NKAIN2: variants seen among roughly 807,000 people sequenced by gnomAD.
NKAIN2 encodes sodium/potassium transporting ATPase interacting 2.
NKAIN2 carries 14 observed loss-of-function variants against 32.6 expected under a neutral mutation model. The ratio of observed to expected loss-of-function variants is 0.43; its 90% CI spans 0.28 to 0.67. The LOEUF is 0.67. NKAIN2 is among the 30% of genes least tolerant of loss of function. The probability of loss-of-function intolerance (pLI) is 0.17; values close to 1 mark genes in which losing one functional copy is unlikely to be tolerated. For missense variants in NKAIN2, 198 were observed against 258.3 expected (o/e 0.77, Z 1.60); for synonymous variants, 80 against 87.2 (o/e 0.92, Z 0.46).
intron 2 of NKAIN2, among the ~76,000 whole-genome samples, chr6:124,334,717 T>C (rs1052007784): frequency 1.7e-5 from 2 of 115,494 alleles, no homozygotes; most frequent in South Asian, 6.2e-4. Flanking sequence ...TTGCGGCATC[T>C]AGCTGCATGA....
rs537619323 is a variant in NKAIN2 at position 123,853,458 on chromosome 6, C to G, written c.54+49204C>G. On this transcript the variant is annotated intron_variant, in intron 1 of 6. Transcript: ENST00000368417. ...AATTAGACCTGACATTTCGGTCATT[C>G]ATTCTACAAACATTTATTATATTAT... Among the ~76,000 whole-genome samples the G allele has an allele frequency of 5.9e-5, 9 of 152,218 alleles. No individual in the cohort carries two copies. The South Asian group carries it at 1.9e-3, about 32-fold the overall frequency.
At chr6:124,286,207 C>T (rs1795531902) in intron 2 of NKAIN2, among the ~76,000 whole-genome samples, 1 of 151,326 alleles carries the variant, frequency 6.6e-6, no homozygotes, top group Non-Finnish European at 1.5e-5. Flanking sequence ...TTATATCAAA[C>T]AATTTAAAAA....
chr6:124,670,645 C>CTGTGTG (rs57300688), intron 4 of NKAIN2, among the ~76,000 whole-genome samples: 3,076 of 123,874 alleles, frequency 0.025, 87 homozygotes, highest in African/African-American at 0.066. Context: ...TCTTTGCTTT[C>CTGTGTG]TGTGTGTGTG....
chr6:124,808,649 G>A (rs1440895592), intron 5 of NKAIN2, among the ~76,000 whole-genome samples: 1 of 152,168 alleles, frequency 6.6e-6, no homozygotes, highest in African/African-American at 2.4e-5. Flanking sequence ...TTAGACAGGA[G>A]AAGGAAATAA....
At chr6:124,636,018 T>C (rs1783760016) in intron 3 of NKAIN2, among the ~76,000 whole-genome samples, 1 of 151,964 alleles carries the variant, frequency 6.6e-6, no homozygotes. Flanking sequence ...TGAAACATTC[T>C]CCAGGATAGA....
intron 1 of NKAIN2, among the ~76,000 whole-genome samples, chr6:124,280,097 A>AC (rs1294169769): frequency 6.6e-6 from 1 of 152,178 alleles, no homozygotes; most frequent in Non-Finnish European, 1.5e-5. Context: ...ATAACACATA[A>AC]ACAGCAGCAT....
intron 5 of NKAIN2, among the ~76,000 whole-genome samples, chr6:124,808,004 C>A (rs1419112028): frequency 6.7e-6 from 1 of 148,592 alleles, no homozygotes; most frequent in African/African-American, 2.4e-5. Context: ...AGCTTACCAA[C>A]CAAAAAGAGT....
intron 2 of NKAIN2, among the ~76,000 whole-genome samples, chr6:124,331,376 A>G (rs1045545459): frequency 1.2e-4 from 17 of 147,046 alleles, no homozygotes; most frequent in Non-Finnish European, 2.1e-4. Context: ...AAAAAAAAAA[A>G]AAACTAGCTG....
chr6:124,804,789 C>T (rs1018018402), intron 5 of NKAIN2, among the ~76,000 whole-genome samples: 8 of 152,180 alleles, frequency 5.3e-5, no homozygotes, highest in African/African-American at 1.7e-4. Flanking sequence ...CACTCCCACC[C>T]GAATACTGCA....
chr6:123,826,490 C>G (rs1329064340), intron 1 of NKAIN2, among the ~76,000 whole-genome samples: 1 of 152,042 alleles, frequency 6.6e-6, no homozygotes, highest in Admixed American at 6.6e-5. Flanking sequence ...AAACGGAAAC[C>G]CTTTCCCATT....
At chr6:124,805,205 C>T (rs1045810001) in intron 5 of NKAIN2, among the ~76,000 whole-genome samples, 10 of 151,952 alleles carry the variant, frequency 6.6e-5, no homozygotes, top group Middle Eastern at 3.4e-3. Flanking sequence ...GGTCCCTGAC[C>T]CCTGACCCCT....
At chr6:124,296,210 T>C (rs1796048955) in intron 2 of NKAIN2, among the ~76,000 whole-genome samples, 1 of 152,116 alleles carries the variant, frequency 6.6e-6, no homozygotes, top group Non-Finnish European at 1.5e-5. Context: ...AACACAGTTT[T>C]TCTATGCTAG....
chr6:124,176,560 G>T (rs1789168099), intron 1 of NKAIN2, among the ~76,000 whole-genome samples: 1 of 152,078 alleles, frequency 6.6e-6, no homozygotes, highest in South Asian at 2.1e-4. Flanking sequence ...AATCTTAGGG[G>T]ATAAACATGT....
intron 1 of NKAIN2, among the ~76,000 whole-genome samples, chr6:124,048,295 G>A (rs1011215626): frequency 4.6e-5 from 7 of 152,122 alleles, no homozygotes; most frequent in East Asian, 1.9e-4. Flanking sequence ...AAAAGGAGAA[G>A]AGATCTGGAT....
intron 3 of NKAIN2, among the ~76,000 whole-genome samples, chr6:124,643,298 G>A (rs1389877476): frequency 6.6e-6 from 1 of 151,986 alleles, no homozygotes; most frequent in Admixed American, 6.6e-5. Context: ...TAAGTATAAG[G>A]CTACATATTG....
At chr6:124,504,154 C>T (rs1218609209) in intron 3 of NKAIN2, among the ~76,000 whole-genome samples, 1 of 152,070 alleles carries the variant, frequency 6.6e-6, no homozygotes, top group Non-Finnish European at 1.5e-5. Context: ...CACATGTACA[C>T]CAACAATATA....
intron 1 of NKAIN2, among the ~76,000 whole-genome samples, chr6:123,938,706 A>C (rs1776680598): frequency 6.7e-6 from 1 of 149,466 alleles, no homozygotes; most frequent in Admixed American, 6.8e-5. Context: ...ATCCTACTTG[A>C]TACTAAAAAT....
chr6:124,583,735 C>T (rs1781608191), intron 3 of NKAIN2, among the ~76,000 whole-genome samples: 1 of 152,120 alleles, frequency 6.6e-6, no homozygotes, highest in Non-Finnish European at 1.5e-5. Context: ...TATTTGATCT[C>T]AAATTATACT....
intron 3 of NKAIN2, among the ~76,000 whole-genome samples, chr6:124,560,979 C>T (rs1405240893): frequency 6.6e-6 from 1 of 152,172 alleles, no homozygotes; most frequent in Non-Finnish European, 1.5e-5. Flanking sequence ...GCCCAGCAAT[C>T]TTCTAGACCC....
Sources: gnomAD v4.1 joint callset for allele counts (sites outside exome capture counted in the v4.1 genomes callset) on GRCh38, gnomAD v4.1.1 for gene constraint, MANE v1.5 for transcripts, NCBI Gene and HGNC (gene_info 2026-07-23, HGNC 2026-07-21) for gene names.